FNDC3B: variants seen among roughly 807,000 people sequenced by gnomAD.
The protein encoded by FNDC3B is fibronectin type III domain containing 3B, also known as fibronectin type III domain-containing protein 3B.
In FNDC3B, 12 loss-of-function variants were observed where a neutral mutation model predicts 151.5. The observed-to-expected ratio is 0.08, with a 90% CI of 0.05 to 0.13. FNDC3B has a LOEUF of 0.13. FNDC3B is among the 10% of genes least tolerant of loss of function. The pLI is 1.00. For missense variants in FNDC3B, 1,214 were observed against 1,505.3 expected, an observed-to-expected ratio of 0.81 and a Z score of 3.20; for synonymous variants, 528 against 549.0, an observed-to-expected ratio of 0.96 and a Z score of 0.54.
chr3:172,057,738 A>G (rs1028045728), intron 1 of FNDC3B, among the ~76,000 whole-genome samples: 2 of 151,386 alleles, frequency 1.3e-5, no homozygotes, highest in Non-Finnish European at 2.9e-5. Context: ...GATGAAAATT[A>G]AAGGTCAGTT....
At chr3:172,149,661 T>C (rs1490265916) in intron 3 of FNDC3B, among the ~76,000 whole-genome samples, 1 of 152,078 alleles carries the variant, frequency 6.6e-6, no homozygotes, top group East Asian at 1.9e-4. Context: ...TTACTTTAGG[T>C]CCTACATAAA....
intron 6 of FNDC3B, among the ~76,000 whole-genome samples, chr3:172,285,531 C>T (rs774007452): frequency 2.7e-4 from 41 of 152,212 alleles, no homozygotes; most frequent in Non-Finnish European, 5.0e-4. Context: ...GATTTGAGCT[C>T]ACAGCCCTGA....
chr3:172,056,712 C>T (rs1474254890), intron 1 of FNDC3B, among the ~76,000 whole-genome samples: 5 of 152,206 alleles, frequency 3.3e-5, no homozygotes, highest in Non-Finnish European at 5.9e-5. Flanking sequence ...TATTGCTTTA[C>T]TCTGTGACTA....
chr3:172,280,870 CTA>C (rs764008811), intron 6 of FNDC3B, among the ~76,000 whole-genome samples: 42 of 152,216 alleles, frequency 2.8e-4, no homozygotes, highest in Middle Eastern at 3.4e-3. Context: ...CATCTTCCCT[CTA>C]TGTGTGTGGG....
At chr3:172,097,235 T>C (rs1333473556) in intron 1 of FNDC3B, among the ~76,000 whole-genome samples, 2 of 152,244 alleles carry the variant, frequency 1.3e-5, no homozygotes, top group Non-Finnish European at 2.9e-5. Context: ...CCCTCTTTTT[T>C]AGCTGTTTGG....
chr3:172,207,129 T>C (rs1473007888), intron 3 of FNDC3B, among the ~76,000 whole-genome samples: 2 of 152,096 alleles, frequency 1.3e-5, no homozygotes, highest in Admixed American at 6.5e-5. Flanking sequence ...CCTAAGATCA[T>C]TACCTTAATT....
intron 22 of FNDC3B, 140 bp from the exon 23 acceptor site, chr3:172,362,493 G>T: frequency 1.5e-6 from 1 of 686,470 alleles, no homozygotes; most frequent in Non-Finnish European, 2.5e-6. Context: ...TTTGTCTTGA[G>T]TTACTTTAAC....
intron 6 of FNDC3B, 43 bp downstream of exon 6, chr3:172,251,584 G>A: frequency 6.5e-7 from 1 of 1,529,878 alleles, no homozygotes; most frequent in Non-Finnish European, 8.8e-7. Context: ...TATCAAGACA[G>A]AGACATCTCA....
chr3:172,212,008 A>G (rs1725756244), intron 3 of FNDC3B, among the ~76,000 whole-genome samples: 1 of 152,246 alleles, frequency 6.6e-6, no homozygotes, highest in African/African-American at 2.4e-5. Flanking sequence ...ACCAGGGACC[A>G]TTAATCATAT....
chr3:172,390,694 A>T (rs1483818813), intron 25 of FNDC3B, among the ~76,000 whole-genome samples: 1 of 152,108 alleles, frequency 6.6e-6, no homozygotes, highest in Non-Finnish European at 1.5e-5. Context: ...ATTTATATTC[A>T]CTTTCCAGAA....
intron 1 of FNDC3B, among the ~76,000 whole-genome samples, chr3:172,067,720 G>A (rs1717568548): frequency 1.3e-5 from 2 of 152,076 alleles, no homozygotes; most frequent in African/African-American, 4.8e-5. Flanking sequence ...GGCCCATTAA[G>A]AATCTTCAGA....
intron 16 of FNDC3B, among the ~76,000 whole-genome samples, chr3:172,340,909 C>T (rs1420118121): frequency 6.6e-6 from 1 of 152,082 alleles, no homozygotes; most frequent in Non-Finnish European, 1.5e-5. Flanking sequence ...GGTAGTCTAG[C>T]CAGCAACACT....
chr3:172,391,103 C>T (rs1735985849), intron 25 of FNDC3B, among the ~76,000 whole-genome samples: 1 of 152,112 alleles, frequency 6.6e-6, no homozygotes, highest in Admixed American at 6.5e-5. Context: ...AGTGGAGTCT[C>T]ATCTGGGATC....
intron 3 of FNDC3B, among the ~76,000 whole-genome samples, chr3:172,181,454 A>AGTAGAAT: frequency 6.6e-6 from 1 of 151,468 alleles, no homozygotes; most frequent in South Asian, 2.1e-4. Context: ...CTTGTGGTCA[A>AGTAGAAT]GTAGAATGTT....
chr3:172,353,557 T>C (rs1733956170), intron 22 of FNDC3B, among the ~76,000 whole-genome samples: 1 of 152,174 alleles, frequency 6.6e-6, no homozygotes, highest in Admixed American at 6.5e-5. Flanking sequence ...TATCTGGAGC[T>C]CAGGGGTTCA....
intron 3 of FNDC3B, among the ~76,000 whole-genome samples, chr3:172,147,550 T>A (rs1192271368): frequency 6.6e-6 from 1 of 152,120 alleles, no homozygotes; most frequent in Non-Finnish European, 1.5e-5. Context: ...GTATATGACA[T>A]CTATGTCAGA....
intron 1 of FNDC3B, among the ~76,000 whole-genome samples, chr3:172,082,365 A>G (rs1718323294): frequency 1.3e-5 from 2 of 152,238 alleles, no homozygotes; most frequent in Admixed American, 6.5e-5. Context: ...ATGTAACGAC[A>G]CAGCTGCTGG....
chr3:172,274,957 G>A (rs929388706), intron 6 of FNDC3B, among the ~76,000 whole-genome samples: 5 of 152,142 alleles, frequency 3.3e-5, no homozygotes, highest in African/African-American at 9.7e-5. Flanking sequence ...GCACTGGGGG[G>A]CCAATCCAGA....
In FNDC3B at chr3:172,166,413, C is replaced by T. The variant is rs537309699; in HGVS notation, c.187+32867C>T. Among the ~76,000 whole-genome samples the T allele has an allele frequency of 4.6e-5, 7 of 152,202 alleles. No individual in the cohort carries two copies. In the South Asian group the frequency reaches 1.2e-3, roughly 27 times the overall value. The stretch of plus-strand genomic sequence containing the variant: ...TAAGGTGTGTAGAGCGGTTTGACCT[C>T]CCACCATTGAAATGCTCCTTACCAT... On this transcript the variant is annotated intron_variant, in intron 3 of 25. Coordinates refer to ENST00000415807, the MANE Select transcript of FNDC3B (RefSeq NM_022763.4).
Sources: allele counts gnomAD v4.1 joint callset (sites outside exome capture counted in the v4.1 genomes callset), GRCh38; gene constraint gnomAD v4.1.1; transcripts MANE v1.5; gene names NCBI Gene and HGNC (gene_info 2026-07-23, HGNC 2026-07-21).